The following IGLON5 variants were observed in gnomAD, a reference collection of about 807,000 sequenced individuals.
IGLON5 encodes the protein Ig-like domain-containing protein ENSP00000270642.
IGLON5 carries 16 observed loss-of-function variants against 38.2 expected under a neutral mutation model. The ratio of observed to expected loss-of-function variants is 0.42; its 90% CI spans 0.28 to 0.64. The LOEUF is 0.64. Among genes scored for constraint, IGLON5 ranks in the 30% least tolerant of loss-of-function variants. The pLI, the probability that IGLON5 is intolerant of heterozygous loss-of-function variation, is 0.23. For synonymous variants in IGLON5, 207 were observed against 216.4 expected (o/e 0.96, Z 0.38); for missense variants, 366 against 483.4 (o/e 0.76, Z 2.28).
chr19:51,323,841 C>G lies in IGLON5; in HGVS notation c.338C>G (p.Ser113Cys), dbSNP rs759232307. ...GGCGACGAGGGCCTCTACACCTGCT[C>G]CTTCCAGACCCGCCACCAGCCGTAC... ...GLGDEGLYTC[S>C]FQTRHQPYTT... is the part of the protein sequence containing the mutation. Residue 113 changes from serine (S) to cysteine (C), a missense_variant, in exon 3 of 8, where the codon TCC becomes TGC. Coordinates refer to ENST00000270642, the MANE Select transcript of IGLON5 (RefSeq NM_001101372.3). 1 of 1,613,748 alleles carries G rather than the reference C, an allele frequency of 6.2e-7. No homozygotes were observed. Among genetic ancestry groups the G allele is most frequent in the South Asian group, 1.1e-5 (1 of 91,074 alleles).
At chr19:51,318,536 G>A (rs1002718653) in intron 1 of IGLON5, among the ~76,000 whole-genome samples, 14 of 151,848 alleles carry the variant, frequency 9.2e-5, no homozygotes, top group East Asian at 5.8e-4. Flanking sequence ...CCAGGAGTTC[G>A]AAACCAGCCT....
rs1017442942 is a variant in IGLON5, at chr19:51,325,222, G to T, written c.392-124G>T. 7.2e-6 allele frequency: 10 copies of T among 1,380,926 alleles called. No individual in the cohort carries two copies. The highest frequency in any genetic ancestry group is 1.4e-5 in the African/African-American group (1 of 69,702). The allele number at this position is 1,380,926 out of a possible 1,614,324, so 85.5% of individuals were successfully genotyped here. On this transcript the variant is annotated intron_variant, in intron 3 of 7. Transcript: ENST00000270642. This position sits in a 1 kb window ranked among gnomAD's most constrained non-coding sequence, Gnocchi z 5.5. ...GGGTCTGAGGGAGGAGGGGCTGGGG[G>T]TCTGAACTCCTGGGTCTGAGGGAGG... is the stretch of plus-strand genomic sequence containing the variant.
rs1984831954 is a variant in IGLON5, at chr19:51,313,647, T to TTTTCTTTCTTTCTTTCTCTCTCTTTTTC, written c.79+1738_79+1739insCTCTCTTTTTCTTTCTTTCTTTCTTTCT. Among the ~76,000 whole-genome samples the TTTTCTTTCTTTCTTTCTCTCTCTTTTTC allele has an allele frequency of 2.2e-4, 26 of 116,272 alleles. No homozygotes were observed. The East Asian group carries it at 3.4e-3, about 15-fold the overall frequency. The allele number at this position is 116,272 out of a possible 152,430, so 76.3% of individuals were successfully genotyped here. On this transcript the variant is annotated intron_variant, in intron 1 of 7. Coordinates refer to ENST00000270642, the MANE Select transcript of IGLON5 (RefSeq NM_001101372.3). Reference sequence around the variant, plus strand: ...TTTCTCTTTTTCTCTCTCTCTCTCTTTTTCTTTCTTTCTTTCTTTCTTTCT... The same window carrying TTTTCTTTCTTTCTTTCTCTCTCTTTTTC: ...TTTCTCTTTTTCTCTCTCTCTCTCTTTTTCTTTCTTTCTTTCTCTCTCTTTTTCTTTCTTTCTTTCTTTCTTTCTTTCT...
At chr19:51,313,681 T>TC (rs1380654464) in intron 1 of IGLON5, among the ~76,000 whole-genome samples, 3 of 74,696 alleles carry the variant, frequency 4.0e-5, no homozygotes, top group Non-Finnish European at 7.8e-5. Flanking sequence ...CTTTCTTTCT[T>TC]TCTTTCTTTC....
chr19:51,320,545 G>T (rs930197057), intron 1 of IGLON5, among the ~76,000 whole-genome samples: 2 of 152,224 alleles, frequency 1.3e-5, no homozygotes, highest in African/African-American at 4.8e-5. Flanking sequence ...AGAGATGACT[G>T]CGTGGGGGTG....
At chr19:51,326,327 C>T (rs573731228) in intron 4 of IGLON5, among the ~76,000 whole-genome samples, 5 of 152,156 alleles carry the variant, frequency 3.3e-5, no homozygotes, top group African/African-American at 4.8e-5. Flanking sequence ...GATTGCTGAT[C>T]CCAATCACCA....
chr19:51,318,583 A>G (rs1334168513), intron 1 of IGLON5, among the ~76,000 whole-genome samples: 3 of 151,950 alleles, frequency 2.0e-5, no homozygotes, highest in African/African-American at 7.3e-5. Flanking sequence ...TAAAAAAAAA[A>G]AAGTAGCCAG....
intron 1 of IGLON5, among the ~76,000 whole-genome samples, chr19:51,317,040 C>G (rs1984942912): frequency 6.6e-6 from 1 of 151,942 alleles, no homozygotes; most frequent in Non-Finnish European, 1.5e-5. Flanking sequence ...AGGGTTCCAG[C>G]TTTGCCTAAG....
rs1568459986 is a variant in IGLON5 at position 51,327,833 on chromosome 19, C to A, written c.869C>A (p.Thr290Lys). 5 of 1,543,938 alleles carry A rather than the reference C, an allele frequency of 3.2e-6. No individual in the cohort carries two copies. The highest frequency in any genetic ancestry group is 4.4e-6 in the Non-Finnish European group (5 of 1,144,340). Reference sequence around the variant, plus strand: ...AGCGCCCGGCATTACGGCAACTATACGTGTCGCGCCGCCAACCGACTGGGA... The same window carrying A: ...AGCGCCCGGCATTACGGCAACTATAAGTGTCGCGCCGCCAACCGACTGGGA... ...NVSARHYGNY[T>K]CRAANRLGAS... The change falls in exon 7 of 8, where the codon ACG becomes AAG. Residue 290 changes from threonine to lysine, a missense_variant. Coordinates refer to ENST00000270642, the MANE Select transcript of IGLON5 (RefSeq NM_001101372.3). The surrounding 1 kb of genome is among the most constrained non-coding windows in gnomAD (Gnocchi z 7.1).
At chr19:51,313,173 C>T (rs1280056651) in intron 1 of IGLON5, among the ~76,000 whole-genome samples, 1 of 152,244 alleles carries the variant, frequency 6.6e-6, no homozygotes, top group African/African-American at 2.4e-5. Context: ...GACGCAGGGA[C>T]CTGGTGGGCC....
intron 2 of IGLON5, among the ~76,000 whole-genome samples, chr19:51,322,346 G>A (rs1359055523): frequency 6.6e-6 from 1 of 152,010 alleles, no homozygotes; most frequent in Admixed American, 6.6e-5. Context: ...TGGAGAGAGG[G>A]GGCAGAGACA....
Position 51,327,248 on chromosome 19 carries a change from T to A in IGLON5, c.767+48T>A. ...CGTGGGAGCGGGAAGGGGAGGTCTTTAGTCCCTTCGATTGTGAGGCAGGGG... is the reference window on the plus strand; with the variant it reads ...CGTGGGAGCGGGAAGGGGAGGTCTTAAGTCCCTTCGATTGTGAGGCAGGGG... On this transcript the variant is annotated intron_variant, in intron 6 of 7. Transcript: ENST00000270642. The surrounding 1 kb of genome is among the most constrained non-coding windows in gnomAD (Gnocchi z 7.1). 1 of 1,579,294 alleles carries A rather than the reference T, an allele frequency of 6.3e-7. No homozygotes were observed. The highest frequency in any genetic ancestry group is 8.6e-7 in the Non-Finnish European group (1 of 1,160,746).
At position 51,327,999 on chromosome 19, in the gene IGLON5, C is replaced by T; in HGVS notation, c.922+113C>T. The T allele has an allele frequency of 1.8e-6, 2 of 1,105,928 alleles. No homozygotes were observed. Among genetic ancestry groups the T allele is most frequent in the East Asian group, 2.8e-5 (1 of 35,810 alleles). 68.5% of individuals were successfully genotyped at this position (1,105,928 alleles called of 1,614,324 possible). A position where few individuals can be genotyped will look rare whatever the true frequency, so the allele number is the denominator to read the frequency against. On this transcript the variant is annotated intron_variant, in intron 7 of 7. Transcript: ENST00000270642. The surrounding 1 kb of genome is among the most constrained non-coding windows in gnomAD (Gnocchi z 7.1). ...GCTGGCCCTGAACTTAGGAGATGGA[C>T]GCTGAGACTGAAAAGCAATGCGAGT...
At chr19:51,328,618 C>A in intron 7 of IGLON5, 53 bp from the exon 8 acceptor site, 1 of 1,225,062 alleles carries the variant, frequency 8.2e-7, no homozygotes, top group Non-Finnish European at 1.1e-6. Context: ...GAGAGACACA[C>A]ATGGGGTTCC....
At chr19:51,321,796 C>T (rs1315326199) in intron 1 of IGLON5, among the ~76,000 whole-genome samples, 1 of 152,194 alleles carries the variant, frequency 6.6e-6, no homozygotes, top group East Asian at 1.9e-4. Context: ...TGTGTGGGCT[C>T]ATGGGAAGAT....
Position 51,325,588 on chromosome 19 carries a change from C to A in IGLON5, c.511+123C>A. ...TCCCTGGCCCCTTGGCTTCCCCTCC[C>A]ACTCTGCTTCCAGTTATTTCATCCA... On this transcript the variant is annotated intron_variant, in intron 4 of 7. Transcript: ENST00000270642. This position sits in a 1 kb window ranked among gnomAD's most constrained non-coding sequence, Gnocchi z 5.5. The A allele has an allele frequency of 9.4e-7, 1 of 1,065,748 alleles. No homozygotes were observed. The highest frequency in any genetic ancestry group is 1.7e-5 in the South Asian group (1 of 59,918). 66.0% of individuals were successfully genotyped at this position (1,065,748 alleles called of 1,614,324 possible). A position where few individuals can be genotyped will look rare whatever the true frequency, so the allele number is the denominator to read the frequency against.
chr19:51,313,620 T>TTC (rs1984825718), intron 1 of IGLON5, among the ~76,000 whole-genome samples: 1 of 145,652 alleles, frequency 6.9e-6, no homozygotes, highest in Admixed American at 6.7e-5. Context: ...TTTCTTTCCT[T>TTC]CTTTCTCTTT....
At chr19:51,315,867 T>C (rs917679650) in intron 1 of IGLON5, among the ~76,000 whole-genome samples, 1 of 151,814 alleles carries the variant, frequency 6.6e-6, no homozygotes, top group Non-Finnish European at 1.5e-5. Flanking sequence ...GGCTAATTTT[T>C]TGTATTTTTA....
rs897601622 is a variant in IGLON5 at position 51,324,316 on chromosome 19, A to G, written c.391+422A>G. ...TGGCTGGGCACAGGGCTAAGACCGG[A>G]AAAGAAACAGTGTGTGCAGGGCCAG... On this transcript the variant is annotated intron_variant, in intron 3 of 7. Coordinates refer to ENST00000270642, the MANE Select transcript of IGLON5 (RefSeq NM_001101372.3). The surrounding 1 kb of genome is among the most constrained non-coding windows in gnomAD (Gnocchi z 4.2). Among the ~76,000 whole-genome samples the G allele has an allele frequency of 6.6e-6, 1 of 152,186 alleles. No homozygotes were observed. Among genetic ancestry groups the G allele is most frequent in the Admixed American group, 6.5e-5 (1 of 15,284 alleles).
Sources: allele counts gnomAD v4.1 joint callset (sites outside exome capture counted in the v4.1 genomes callset), GRCh38; gene constraint gnomAD v4.1.1; non-coding constraint Gnocchi (gnomAD v3.1); transcripts MANE v1.5; gene names NCBI Gene and HGNC (gene_info 2026-07-23, HGNC 2026-07-21).